PPP1R12A: variants seen among roughly 807,000 people sequenced by gnomAD.
The protein encoded by PPP1R12A is protein phosphatase 1 regulatory subunit 12A.
A neutral mutation model predicts 139.6 loss-of-function variants in PPP1R12A; 19 were observed. That is an observed-to-expected ratio of 0.14 (90% CI 0.09 to 0.20). The LOEUF (loss-of-function observed/expected upper bound fraction) is 0.20. Among genes scored for constraint, PPP1R12A ranks in the 10% least tolerant of loss-of-function variants. The pLI, the probability that PPP1R12A is intolerant of heterozygous loss-of-function variation, is 1.00. For synonymous variants in PPP1R12A, 427 were observed against 420.6 expected (o/e 1.02, Z -0.19); for missense variants, 925 against 1,211.5 (o/e 0.76, Z 3.51).
intron 1 of PPP1R12A, among the ~76,000 whole-genome samples, chr12:79,901,885 T>C (rs1885674298): frequency 6.6e-6 from 1 of 152,154 alleles, no homozygotes; most frequent in South Asian, 2.1e-4. Flanking sequence ...ACTTTCCCTG[T>C]TTCCCTTTTA....
At chr12:79,782,504 G>T (rs1870579723) in intron 22 of PPP1R12A, 1 of 444,338 alleles carries the variant, frequency 2.3e-6, no homozygotes, top group Non-Finnish European at 4.5e-6. Context: ...CCAGCTCAAA[G>T]CTGATGAAAT....
At chr12:79,914,404 TTTTA>T (rs1886830437) in intron 1 of PPP1R12A, among the ~76,000 whole-genome samples, 1 of 152,030 alleles carries the variant, frequency 6.6e-6, no homozygotes, top group African/African-American at 2.4e-5. Flanking sequence ...ATTTACCCAG[TTTTA>T]TTTATTTGGC....
chr12:79,872,924 G>A lies in PPP1R12A; in HGVS notation c.252C>T (p.Asp84=). The A allele has an allele frequency of 6.2e-7, 1 of 1,612,800 alleles. No individual in the cohort carries two copies. The highest frequency in any genetic ancestry group is 8.5e-7 in the Non-Finnish European group (1 of 1,179,500). ...CCAGAAACTTCACCATATCAACATT[G>A]TCATCAATGCAAGCCTAAAAACAAA... ...LTALHQACID[D]NVDMVKFLVE... The change falls in exon 2 of 25, where the codon GAC becomes GAT. Residue 84 remains aspartate, a synonymous_variant. Transcript: ENST00000450142.
rs114943235 is a variant in PPP1R12A at position 79,906,404 on chromosome 12, C to A, written c.237+28291G>T. Among the ~76,000 whole-genome samples the A allele has an allele frequency of 5.2e-3, 793 of 152,028 alleles. 8 individuals carry two copies. The highest frequency in any genetic ancestry group is 0.017 in the African/African-American group (709 of 41,486). On this transcript the variant is annotated intron_variant, in intron 1 of 24. Coordinates refer to ENST00000450142, the MANE Select transcript of PPP1R12A (RefSeq NM_002480.3). The stretch of plus-strand genomic sequence containing the variant: ...CAAAAGGAGTATACCAATATATTAA[C>A]ATAGAGTAAAGGGCTGACAGTAATT...
chr12:79,915,873 C>T (rs1264325858), intron 1 of PPP1R12A, among the ~76,000 whole-genome samples: 1 of 152,050 alleles, frequency 6.6e-6, no homozygotes, highest in Non-Finnish European at 1.5e-5. Context: ...TGATAATATT[C>T]ACGCCAAATT....
chr12:79,908,485 CAT>C (rs1886304687), intron 1 of PPP1R12A, among the ~76,000 whole-genome samples: 1 of 152,102 alleles, frequency 6.6e-6, no homozygotes, highest in Admixed American at 6.5e-5. Flanking sequence ...TCCTTTAAAA[CAT>C]AGAAGTTCTA....
intron 22 of PPP1R12A, chr12:79,782,616 C>A: frequency 2.2e-6 from 1 of 446,900 alleles, no homozygotes; most frequent in South Asian, 1.6e-5. Flanking sequence ...AGCACAGGCA[C>A]AGTTTAAGAA....
intron 24 of PPP1R12A, among the ~76,000 whole-genome samples, chr12:79,776,450 G>A (rs1463952140): frequency 2.6e-5 from 4 of 151,914 alleles, no homozygotes; most frequent in Non-Finnish European, 5.9e-5. Context: ...AAACTACCTA[G>A]GAAAACATTG....
At chr12:79,785,628 T>A (rs951147431) in intron 22 of PPP1R12A, among the ~76,000 whole-genome samples, 7 of 152,190 alleles carry the variant, frequency 4.6e-5, no homozygotes, top group Non-Finnish European at 8.8e-5. Flanking sequence ...ATTGAACACA[T>A]TTGTTTTCTT....
intron 2 of PPP1R12A, among the ~76,000 whole-genome samples, chr12:79,865,570 C>G (rs1448007007): frequency 6.6e-6 from 1 of 152,116 alleles, no homozygotes; most frequent in African/African-American, 2.4e-5. Flanking sequence ...TTACAAAACC[C>G]CATCGTCTCA....
intron 1 of PPP1R12A, among the ~76,000 whole-genome samples, chr12:79,877,536 G>A (rs1565792849): frequency 6.6e-6 from 1 of 152,082 alleles, no homozygotes; most frequent in Non-Finnish European, 1.5e-5. Context: ...TCTCTTTTCA[G>A]ACAGAGTCTT....
chr12:79,777,406 T>C (rs1333950290), intron 24 of PPP1R12A: 1 of 984,740 alleles, frequency 1.0e-6, no homozygotes. Flanking sequence ...AGTTATATGA[T>C]ATGCTCCAGA....
chr12:79,796,815 A>G lies in PPP1R12A; in HGVS notation c.2428T>C (p.Tyr810His), dbSNP rs1455138820. 1 of 1,611,336 alleles carries G rather than the reference A, an allele frequency of 6.2e-7. No individual in the cohort carries two copies. The highest frequency in any genetic ancestry group is 8.5e-7 in the Non-Finnish European group (1 of 1,177,984). The change falls in exon 17 of 25, where the codon TAC (tyrosine) becomes CAC (histidine). Residue 810 changes from tyrosine to histidine, a missense_variant. This residue lies in a region of PPP1R12A where 315 missense variants were observed against 363.4 expected (regional missense o/e 0.87). Coordinates refer to ENST00000450142, the MANE Select transcript of PPP1R12A (RefSeq NM_002480.3). ...TTTTCTTTTGTTATTCCTCTGGAGT[A>G]AGCAGAAGTTATGCCTACAAGACTA... The part of the protein sequence containing the change: ...PNSLVGITSA[Y>H]SRGITKENER...
intron 2 of PPP1R12A, among the ~76,000 whole-genome samples, chr12:79,846,817 C>T (rs1879470921): frequency 6.6e-6 from 1 of 151,950 alleles, no homozygotes; most frequent in Non-Finnish European, 1.5e-5. Flanking sequence ...CTGATCTGGC[C>T]TTGTCTTCTT....
chr12:79,777,115 T>C, intron 24 of PPP1R12A: 1 of 889,696 alleles, frequency 1.1e-6, no homozygotes, highest in Non-Finnish European at 1.3e-6. Context: ...TGACATTATT[T>C]TGAAAAACAT....
intron 1 of PPP1R12A, among the ~76,000 whole-genome samples, chr12:79,923,733 T>C (rs536219757): frequency 2.6e-4 from 39 of 152,262 alleles, no homozygotes; most frequent in Non-Finnish European, 4.4e-4. Flanking sequence ...CATACAAAAG[T>C]AAGCCATGTT....
At chr12:79,856,140 T>C (rs1880626755) in intron 2 of PPP1R12A, among the ~76,000 whole-genome samples, 1 of 152,106 alleles carries the variant, frequency 6.6e-6, no homozygotes, top group South Asian at 2.1e-4. Flanking sequence ...TCAAGAATCT[T>C]CCAAAAAAAC....
chr12:79,792,527 CTAAAG>C (rs773438000), intron 19 of PPP1R12A, among the ~76,000 whole-genome samples: 15 of 152,054 alleles, frequency 9.9e-5, no homozygotes, highest in South Asian at 2.1e-4. Context: ...TCTAAACAAT[CTAAAG>C]TAAACAAAAA....
At chr12:79,873,397 C>CTGTAAAACTGCA (rs1882766666) in intron 1 of PPP1R12A, among the ~76,000 whole-genome samples, 1 of 151,160 alleles carries the variant, frequency 6.6e-6, no homozygotes, top group Admixed American at 6.6e-5. Flanking sequence ...AAAGTACCAG[C>CTGTAAAACTGCA]TGTAAAACTG....
Sources: allele counts gnomAD v4.1 joint callset (sites outside exome capture counted in the v4.1 genomes callset), GRCh38; gene constraint gnomAD v4.1.1; regional missense constraint gnomAD v4.1.1; transcripts MANE v1.5; gene names NCBI Gene and HGNC (gene_info 2026-07-23, HGNC 2026-07-21).